The following CR1L variants were observed in gnomAD, a reference collection of about 807,000 sequenced individuals.
The protein encoded by CR1L is complement C3b/C4b receptor 1 like, also known as complement component receptor 1-like protein.
CR1L carries 59 observed loss-of-function variants against 62.3 expected under a neutral mutation model. That is an observed-to-expected ratio of 0.95 (90% confidence interval 0.77 to 1.18). The LOEUF is 1.18. Among genes scored for constraint, CR1L ranks in the 50% most tolerant of loss-of-function variants. CR1L has a pLI of 0.00. For synonymous variants in CR1L, 279 were observed against 248.7 expected (o/e 1.12, Z -1.15); for missense variants, 700 against 702.8 (o/e 1.00, Z 0.04).
In CR1L at chr1:207,707,986, T is replaced by C. The variant is rs375035180; in HGVS notation, c.1329-192T>C. Among the ~76,000 whole-genome samples the C allele has an allele frequency of 2.4e-4, 36 of 152,246 alleles. 1 individual carries two copies. The South Asian group carries it at 6.4e-3, about 27-fold the overall frequency. On this transcript the variant is annotated intron_variant, in intron 9 of 11. Coordinates refer to ENST00000508064, the MANE Select transcript of CR1L (RefSeq NM_175710.2). ...AAGAAGTAAAGTGGACCAGGAGAAG[T>C]TAGAGCAGAAATATCTCTTTTCAAT...
intron 11 of CR1L, among the ~76,000 whole-genome samples, chr1:207,722,791 T>C (rs1392563260): frequency 7.0e-6 from 1 of 142,214 alleles, no homozygotes; most frequent in Non-Finnish European, 1.6e-5. Context: ...ATGCAATGTG[T>C]GTGGACAATA....
rs1654029575 is a variant in CR1L at position 207,717,458 on chromosome 1, T to C, written c.1415-6T>C. ...TAGAACTTAAAAGCTCTTGTTTTCT[T>C]TCTAGAAATCTTTTGTCCAAATCCT... is the stretch of plus-strand genomic sequence containing the variant. On this transcript the variant is annotated splice_region_variant and splice_polypyrimidine_tract_variant and intron_variant, in intron 10 of 11. Coordinates refer to ENST00000508064, the MANE Select transcript of CR1L (RefSeq NM_175710.2). The C allele has an allele frequency of 6.2e-7, 1 of 1,612,140 alleles. No individual in the cohort carries two copies.
At chr1:207,694,794 C>A (rs758904501) in intron 5 of CR1L, 43 bp downstream of exon 5, 16 of 1,611,378 alleles carry the variant, frequency 9.9e-6, no homozygotes, top group Middle Eastern at 2.2e-4. Flanking sequence ...CAGTGACATG[C>A]ATTGCTGTTG....
At chr1:207,659,754 G>A (rs1663377651) in intron 1 of CR1L, among the ~76,000 whole-genome samples, 1 of 152,180 alleles carries the variant, frequency 6.6e-6, no homozygotes, top group Admixed American at 6.5e-5. Context: ...TCCTAGCCAG[G>A]GAAAGCTGTG....
At chr1:207,713,635 G>C (rs1277057513) in intron 10 of CR1L, among the ~76,000 whole-genome samples, 6 of 152,326 alleles carry the variant, frequency 3.9e-5, no homozygotes, top group Non-Finnish European at 8.8e-5. Context: ...GAGCAAGTGG[G>C]GGTTCCAGCT....
In CR1L at chr1:207,683,892, C is replaced by T. The variant is rs146322423; in HGVS notation, c.398C>T (p.Ser133Leu). 4.7e-5 allele frequency: 76 copies of T among 1,613,330 alleles called. No homozygotes were observed. In the African/African-American group the frequency reaches 4.9e-4, roughly 10 times the overall value. The stretch of plus-strand genomic sequence containing the variant: ...TCTAGATACCGACTCATTGGTTCCT[C>T]GTCTGCCACATGCATCATCTCAGGC... ...CPKGYRLIGSSSATCIISGNT... is the reference protein window; with the variant it reads ...CPKGYRLIGSLSATCIISGNT... The change falls in exon 4 of 12, where the codon TCG (serine) becomes TTG (leucine). Residue 133 changes from serine to leucine, a missense_variant. Transcript: ENST00000508064.
intron 7 of CR1L, 100 bp downstream of exon 7, chr1:207,697,973 C>A: frequency 7.3e-7 from 1 of 1,372,410 alleles, no homozygotes; most frequent in Non-Finnish European, 1.0e-6. Flanking sequence ...GACAGACAGA[C>A]AGACACACAC....
Position 207,701,864 on chromosome 1 carries a change from A to G in CR1L, c.1328+246A>G, listed in dbSNP as rs534327514. 42 of 659,030 alleles carry G rather than the reference A, an allele frequency of 6.4e-5. No individual in the cohort carries two copies. The East Asian group carries it at 1.2e-3, about 19-fold the overall frequency. 40.8% of individuals were successfully genotyped at this position (659,030 alleles called of 1,614,324 possible). On this transcript the variant is annotated intron_variant, in intron 9 of 11. Coordinates refer to ENST00000508064, the MANE Select transcript of CR1L (RefSeq NM_175710.2). ...GTTCACTGGATGGGAAGGAAAAAAA[A>G]TTAGGAGTATAGTAGTCAAAGCACA... is the stretch of plus-strand genomic sequence containing the variant.
intron 5 of CR1L, among the ~76,000 whole-genome samples, chr1:207,695,046 C>A (rs1339005809): frequency 3.9e-5 from 6 of 152,166 alleles, no homozygotes; most frequent in African/African-American, 1.4e-4. Context: ...TTCTTCCAGC[C>A]AGGCACCATA....
chr1:207,699,432 A>G (rs1664158432), intron 8 of CR1L, among the ~76,000 whole-genome samples, 158 bp downstream of exon 8: 1 of 152,218 alleles, frequency 6.6e-6, no homozygotes, highest in African/African-American at 2.4e-5. Context: ...ATCAATGTGT[A>G]CATCACCTGT....
At chr1:207,651,335 A>G (rs922870945) in intron 1 of CR1L, among the ~76,000 whole-genome samples, 1 of 152,210 alleles carries the variant, frequency 6.6e-6, no homozygotes, top group Admixed American at 6.5e-5. Context: ...ATTGCAGGAC[A>G]TGATATATAA....
intron 1 of CR1L, among the ~76,000 whole-genome samples, chr1:207,651,065 G>GT (rs1306980603): frequency 6.6e-6 from 1 of 152,108 alleles, no homozygotes; most frequent in Non-Finnish European, 1.5e-5. Context: ...GATTACAGAC[G>GT]TGAGCCACTG....
intron 1 of CR1L, among the ~76,000 whole-genome samples, chr1:207,656,304 A>G (rs879476459): frequency 4.6e-5 from 7 of 152,160 alleles, no homozygotes; most frequent in Non-Finnish European, 1.0e-4. Flanking sequence ...AAAAAAGACA[A>G]TATTTTGGTG....
At chr1:207,671,653 G>T (rs984747110) in intron 1 of CR1L, among the ~76,000 whole-genome samples, 1 of 150,946 alleles carries the variant, frequency 6.6e-6, no homozygotes, top group Non-Finnish European at 1.5e-5. Flanking sequence ...GGGGCCAGGC[G>T]CAGTGGCTCA....
chr1:207,695,356 C>G (rs961132917), intron 5 of CR1L, among the ~76,000 whole-genome samples: 9 of 152,116 alleles, frequency 5.9e-5, no homozygotes, highest in Admixed American at 2.0e-4. Flanking sequence ...TCTCGAACAC[C>G]TGAGCTGAAG....
At chr1:207,712,337 G>A (rs1394664038) in intron 10 of CR1L, among the ~76,000 whole-genome samples, 2 of 152,154 alleles carry the variant, frequency 1.3e-5, no homozygotes, top group Non-Finnish European at 2.9e-5. Context: ...ACTCCACACT[G>A]GATATCCAGA....
At chr1:207,686,768 A>G (rs1663918170) in intron 4 of CR1L, among the ~76,000 whole-genome samples, 1 of 152,192 alleles carries the variant, frequency 6.6e-6, no homozygotes, top group Non-Finnish European at 1.5e-5. Context: ...CCAAATCCAT[A>G]TGTTGAAATC....
chr1:207,716,622 G>A (rs1431685782), intron 10 of CR1L, among the ~76,000 whole-genome samples: 2 of 152,002 alleles, frequency 1.3e-5, no homozygotes, highest in Admixed American at 6.6e-5. Flanking sequence ...AATACCTGAG[G>A]AAACTCAAGT....
intron 3 of CR1L, 111 bp downstream of exon 3, chr1:207,678,408 T>C: frequency 1.1e-6 from 1 of 934,426 alleles, no homozygotes; most frequent in Non-Finnish European, 1.6e-6. Flanking sequence ...CCATCTGCTC[T>C]TTAAAGGCTT....
Sources: gnomAD v4.1 joint callset for allele counts (sites outside exome capture counted in the v4.1 genomes callset) on GRCh38, gnomAD v4.1.1 for gene constraint, MANE v1.5 for transcripts, NCBI Gene and HGNC (gene_info 2026-07-23, HGNC 2026-07-21) for gene names.